SYCP2: variants seen among roughly 807,000 people sequenced by gnomAD.
SYCP2 encodes the protein synaptonemal complex protein 2, also known as synaptonemal complex lateral element protein.
SYCP2 carries 55 observed loss-of-function variants against 211.3 expected under a neutral mutation model. The ratio of observed to expected loss-of-function variants is 0.26; its 90% confidence interval spans 0.21 to 0.33. The LOEUF (loss-of-function observed/expected upper bound fraction) is 0.33, where lower values mean the gene tolerates loss of function less well. Ranked by LOEUF, SYCP2 falls within the 10% of genes least tolerant of loss-of-function variation. The pLI is 1.00. For synonymous variants in SYCP2, 570 were observed against 555.2 expected (o/e 1.03, Z -0.37); for missense variants, 1,731 against 1,752.0 (o/e 0.99, Z 0.21).
In SYCP2 at chr20:59,867,817, T is replaced by C; in HGVS notation, c.4019A>G (p.Asn1340Ser). Residue 1340 changes from asparagine (N) to serine (S), a missense_variant, in exon 39 of 45, where the codon AAT becomes AGT. Transcript: ENST00000357552. ...GGTCTCCCAAGGAATAGAAAAGTCA[T>C]TTGTTGATAATGAAGATACACTTTC... ...MSESVSSLST[N>S]DFSIPWETWQ... 6.2e-7 allele frequency: 1 copy of C among 1,609,166 alleles called. No homozygotes were observed. The highest frequency in any genetic ancestry group is 8.5e-7 in the Non-Finnish European group (1 of 1,176,758).
rs1212195282 is a variant in SYCP2, at chr20:59,877,438, A to G, written c.3097T>C (p.Ser1033Pro). The change falls in exon 33 of 45, where the codon TCA becomes CCA. Residue 1033 changes from serine to proline, a missense_variant. By Grantham distance (74) the Ser-to-Pro change is moderately conservative (BLOSUM62 -1). Transcript: ENST00000357552. ...KNYKDLSNSE[S>P]ECEQEFSHSF... is the part of the protein sequence containing the mutation. Reference sequence around the variant, plus strand: ...TGTGAAAATTCTTGTTCACACTCTGATTCTGAATTTGAGAGATCTTTATAG... The same window carrying G: ...TGTGAAAATTCTTGTTCACACTCTGGTTCTGAATTTGAGAGATCTTTATAG... 9 of 1,601,678 alleles carry G rather than the reference A, an allele frequency of 5.6e-6. No individual in the cohort carries two copies. The highest frequency in any genetic ancestry group is 7.6e-6 in the Non-Finnish European group (9 of 1,176,752).
rs2060387559 is a variant in SYCP2 at position 59,914,210 on chromosome 20, T to C, written c.676A>G (p.Met226Val). ...TCTTGTCTTTGTTTTTCTGTGGTCA[T>C]TCTACACAAAGCTTCTACAATGCCT... is the stretch of plus-strand genomic sequence containing the variant. Reference protein sequence around the residue: ...QVGIVEALCRMTTEKQRQELA... With the variant: ...QVGIVEALCRVTTEKQRQELA... Residue 226 changes from methionine to valine, a missense_variant, in exon 11 of 45, where the codon ATG becomes GTG. This residue lies in a region of SYCP2 where 335 missense variants were observed against 378.8 expected (regional missense o/e 0.88). Coordinates refer to ENST00000357552, the MANE Select transcript of SYCP2 (RefSeq NM_014258.4). 1 of 1,602,916 alleles carries C rather than the reference T, an allele frequency of 6.2e-7. No homozygotes were observed. Among genetic ancestry groups the C allele is most frequent in the Admixed American group, 1.7e-5 (1 of 59,758 alleles).
At chr20:59,902,232 A>G (rs914067466) in intron 15 of SYCP2, among the ~76,000 whole-genome samples, 3 of 152,190 alleles carry the variant, frequency 2.0e-5, no homozygotes, top group South Asian at 2.1e-4. Flanking sequence ...CACAGTTGTT[A>G]TAACATGCTG....
intron 34 of SYCP2, 95 bp from the exon 35 acceptor site, chr20:59,874,156 T>A (rs570838630): frequency 1.7e-6 from 1 of 604,398 alleles, no homozygotes; most frequent in East Asian, 3.2e-5. Flanking sequence ...TTCTAAGAAT[T>A]TGTCAGATCT....
At chr20:59,882,385 C>T (rs1310334545) in intron 26 of SYCP2, among the ~76,000 whole-genome samples, 2 of 152,146 alleles carry the variant, frequency 1.3e-5, no homozygotes, top group Admixed American at 6.6e-5. Flanking sequence ...CTGTGAATAA[C>T]AGTGTGAAGT....
At position 59,873,877 on chromosome 20, in the gene SYCP2, T is replaced by C. The variant is rs763538295; in HGVS notation, c.3534A>G (p.Pro1178=). 3.1e-6 allele frequency: 5 copies of C among 1,611,208 alleles called. No individual in the cohort carries two copies. The highest frequency in any genetic ancestry group is 4.2e-6 in the Non-Finnish European group (5 of 1,179,054). Residue 1178 remains proline, a synonymous_variant, in exon 35 of 45, where the codon CCA becomes CCG. Transcript: ENST00000357552. The part of the protein sequence containing the change: ...NFLCASESCS[P]IPRPLFLPRH... ...TCACCAAAAACAGTGGTCGTGGAAT[T>C]GGTGAACAACTTTCACTTGCACACA... is the stretch of plus-strand genomic sequence containing the variant.
chr20:59,912,276 A>G, intron 13 of SYCP2, 97 bp downstream of exon 13: 1 of 577,204 alleles, frequency 1.7e-6, no homozygotes, highest in South Asian at 1.9e-5. Flanking sequence ...TCTAATTACA[A>G]CTATTTTTAG....
chr20:59,921,358 AATCTTCAC>A lies in SYCP2; in HGVS notation c.112_119del (p.Val38Ter). Reference sequence around the variant, plus strand: ...TGTGGAAAAACTGTTTGCTGCATTTAATCTTCACATCTTCACAAATATCAATTTGCAAA... The same window carrying A: ...TGTGGAAAAACTGTTTGCTGCATTTAATCTTCACAAATATCAATTTGCAAA... On this transcript the variant is annotated frameshift_variant, in exon 4 of 45. Transcript: ENST00000357552. LOFTEE classifies it high-confidence loss of function. The A allele has an allele frequency of 1.2e-6, 2 of 1,607,536 alleles. No homozygotes were observed. The highest frequency in any genetic ancestry group is 2.2e-5 in the East Asian group (1 of 44,540).
chr20:59,889,566 A>G (rs1600867938), intron 24 of SYCP2, among the ~76,000 whole-genome samples: 1 of 152,050 alleles, frequency 6.6e-6, no homozygotes, highest in Non-Finnish European at 1.5e-5. Flanking sequence ...AATATACACA[A>G]AAATCTAGTA....
rs371457835 is a variant in SYCP2, at chr20:59,908,090, CA to C, written c.973-667del. Among the ~76,000 whole-genome samples, 292 of 150,912 alleles carry C rather than the reference CA, an allele frequency of 1.9e-3. 2 individuals are homozygous for C. Among genetic ancestry groups the C allele is most frequent in the Middle Eastern group, 0.01 (3 of 294 alleles). On this transcript the variant is annotated intron_variant, in intron 14 of 44. Transcript: ENST00000357552. ...TGAAACCCCGTCTCTACTAAAAATA[CA>C]AAAAAAAATTAGCCGGGCGTGGTGG...
intron 24 of SYCP2, among the ~76,000 whole-genome samples, chr20:59,888,456 G>A (rs1176185363): frequency 2.0e-5 from 3 of 151,834 alleles, no homozygotes; most frequent in African/African-American, 4.8e-5. Flanking sequence ...ACAGATTCAC[G>A]ATAAAAAACC....
intron 24 of SYCP2, among the ~76,000 whole-genome samples, chr20:59,891,536 C>T (rs1286996566): frequency 6.6e-6 from 1 of 151,822 alleles, no homozygotes; most frequent in Non-Finnish European, 1.5e-5. Context: ...AGGTTAAATG[C>T]ATTCATCCAA....
At chr20:59,921,474 G>A in intron 3 of SYCP2, 21 bp from the exon 4 acceptor site, 1 of 1,549,016 alleles carries the variant, frequency 6.5e-7, no homozygotes, top group Non-Finnish European at 8.7e-7. Context: ...ATATTTAATG[G>A]CACATACTGT....
chr20:59,933,165 C>G (rs547824345), intron 1 of SYCP2: 3 of 152,306 alleles, frequency 2.0e-5, no homozygotes, highest in South Asian at 4.1e-4. Flanking sequence ...CTCCTCGGGC[C>G]GGCGACGCGC....
At chr20:59,888,881 T>C (rs1252940664) in intron 24 of SYCP2, among the ~76,000 whole-genome samples, 1 of 151,894 alleles carries the variant, frequency 6.6e-6, no homozygotes, top group Non-Finnish European at 1.5e-5. Flanking sequence ...ACAATATAAT[T>C]TACATTAGCA....
Position 59,916,570 on chromosome 20 carries a change from A to C in SYCP2, c.429T>G (p.Gly143=). ...CGAAACTTTCCACTACTTGTTTTTT[A>C]CCTGAATAAAAGTGTTAAATTATTG... The part of the protein sequence containing the change: ...LLVIHDVSDE[G]KKQVVESFVP... The change falls in exon 8 of 45, where the codon GGT becomes GGG. Residue 143 remains glycine (G), a splice_region_variant and synonymous_variant. Transcript: ENST00000357552. The C allele has an allele frequency of 6.3e-7, 1 of 1,585,612 alleles. No individual in the cohort carries two copies. The highest frequency in any genetic ancestry group is 8.7e-7 in the Non-Finnish European group (1 of 1,154,286).
intron 22 of SYCP2, 130 bp from the exon 23 acceptor site, chr20:59,892,831 T>A (rs2059933435): frequency 1.3e-6 from 1 of 766,450 alleles, no homozygotes; most frequent in Non-Finnish European, 2.0e-6. Flanking sequence ...ATTTATCTTA[T>A]CTTACAGTTC....
At chr20:59,882,998 C>T (rs1026146100) in intron 26 of SYCP2, among the ~76,000 whole-genome samples, 6 of 152,058 alleles carry the variant, frequency 3.9e-5, no homozygotes, top group African/African-American at 1.4e-4. Context: ...GTAACATTCT[C>T]CTTAAACTGA....
rs1021536043 is a variant in SYCP2 at position 59,900,759 on chromosome 20, G to A, written c.1242C>T (p.Asp414=). ...VAKTSLHILF[D]ASGSQILVPE... is the part of the protein sequence containing the mutation. ...TGAGACATACCTGTGATCCACTTGC[G>A]TCAAAAAGTATATGCAGCGACGTTT... The change falls in exon 17 of 45, where the codon GAC becomes GAT. Residue 414 remains aspartate (D), a synonymous_variant. Transcript: ENST00000357552. 1.5e-5 allele frequency: 24 copies of A among 1,612,318 alleles called. No individual in the cohort carries two copies. Among genetic ancestry groups the A allele is most frequent in the East Asian group, 2.2e-5 (1 of 44,778 alleles).
Sources: allele counts gnomAD v4.1 joint callset (sites outside exome capture counted in the v4.1 genomes callset), GRCh38; gene constraint gnomAD v4.1.1; regional missense constraint gnomAD v4.1.1; transcripts MANE v1.5; gene names NCBI Gene and HGNC (gene_info 2026-07-23, HGNC 2026-07-21).